Variants in WWTR1 observed in about 807,000 individuals in gnomAD.
WWTR1 encodes WW domain containing transcription regulator 1.
WWTR1 carries 13 observed loss-of-function variants against 40.1 expected under a neutral mutation model. That is an observed-to-expected ratio of 0.32 (90% CI 0.21 to 0.52). The LOEUF is 0.52. WWTR1 is among the 20% of genes least tolerant of loss of function. The pLI is 0.97. For synonymous variants in WWTR1, 230 were observed against 210.1 expected (o/e 1.09, Z -0.82); for missense variants, 436 against 523.1 (o/e 0.83, Z 1.63).
intron 2 of WWTR1, among the ~76,000 whole-genome samples, chr3:149,635,777 T>A (rs1253646591): frequency 5.3e-5 from 8 of 152,206 alleles, no homozygotes; most frequent in African/African-American, 1.9e-4. Flanking sequence ...AGAAAGTCTA[T>A]TGCTTTAGCT....
chr3:149,601,414 T>C (rs1739236706), intron 2 of WWTR1, among the ~76,000 whole-genome samples: 1 of 152,176 alleles, frequency 6.6e-6, no homozygotes, highest in South Asian at 2.1e-4. Flanking sequence ...GCCAGGCTGG[T>C]CTGGAACTCC....
chr3:149,660,283 A>G (rs4681533), upstream of WWTR1: 83,319 of 152,038 alleles, frequency 0.55, 22,897 homozygotes, highest in Admixed American at 0.62. Flanking sequence ...ACTTGAGGCC[A>G]GCCCTACTCT....
At chr3:149,723,156 C>G (rs1157276201) in intron 4 of WWTR1, among the ~76,000 whole-genome samples, 1 of 130,980 alleles carries the variant, frequency 7.6e-6, no homozygotes, top group Non-Finnish European at 1.7e-5. Context: ...AGTGTCCTTT[C>G]TTTTGGTTTG....
At chr3:149,540,717 G>A (rs1416657904) in intron 4 of WWTR1, among the ~76,000 whole-genome samples, 1 of 151,884 alleles carries the variant, frequency 6.6e-6, no homozygotes, top group Non-Finnish European at 1.5e-5. Context: ...AACCGTGAAA[G>A]TTCAAACATA....
chr3:149,720,522 C>G (rs1458963613), intron 4 of WWTR1, among the ~76,000 whole-genome samples: 1 of 152,006 alleles, frequency 6.6e-6, no homozygotes, highest in South Asian at 2.1e-4. Flanking sequence ...ATTACTATTA[C>G]CTATTATAAA....
At chr3:149,636,861 G>A (rs1711845114) in intron 2 of WWTR1, among the ~76,000 whole-genome samples, 1 of 151,326 alleles carries the variant, frequency 6.6e-6, no homozygotes, top group Admixed American at 6.6e-5. Context: ...CAGCTACTCG[G>A]GAGGCTGAGG....
chr3:149,546,768 T>G (rs1421331759), intron 3 of WWTR1, among the ~76,000 whole-genome samples: 1 of 152,114 alleles, frequency 6.6e-6, no homozygotes, highest in Non-Finnish European at 1.5e-5. Context: ...AAGCCCCAAA[T>G]TATCTGAAAA....
At chr3:149,610,348 C>T (rs181273957) in intron 2 of WWTR1, among the ~76,000 whole-genome samples, 54 of 152,194 alleles carry the variant, frequency 3.5e-4, no homozygotes, top group Non-Finnish European at 7.1e-4. Context: ...CAAAACACTC[C>T]CTTGTAACAA....
intron 2 of WWTR1, among the ~76,000 whole-genome samples, chr3:149,612,968 C>T (rs1472560404): frequency 6.6e-6 from 1 of 152,138 alleles, no homozygotes; most frequent in African/African-American, 2.4e-5. Context: ...AAATTATTTC[C>T]ATCATCGTTA....
In WWTR1 at chr3:149,517,762, T is replaced by A. The variant is rs926402751; in HGVS notation, c.*3043A>T. 1 of 152,210 alleles carries A rather than the reference T, an allele frequency of 6.6e-6. No individual in the cohort carries two copies. The highest frequency in any genetic ancestry group is 2.4e-5 in the African/African-American group (1 of 41,444). 9.4% of individuals were successfully genotyped at this position (152,210 alleles called of 1,614,324 possible). On this transcript the variant is annotated 3_prime_UTR_variant, in exon 7 of 7. Transcript: ENST00000360632. Reference sequence around the variant, plus strand: ...GGTGAAACACTGTCTAAAAATTACTTAGATTTAACAGAATTGCAATTAGGT... The same window carrying A: ...GGTGAAACACTGTCTAAAAATTACTAAGATTTAACAGAATTGCAATTAGGT...
In WWTR1 at chr3:149,657,169, C is replaced by A; in HGVS notation, c.138G>T (p.Lys46Asn). 6.2e-7 allele frequency: 1 copy of A among 1,608,682 alleles called. No homozygotes were observed. Among genetic ancestry groups the A allele is most frequent in the South Asian group, 1.1e-5 (1 of 89,880 alleles). ...CCTTAAAGAAAGACTCCGGCAGGAT[C>A]TTCTTCCGCCACGAGCTAGGCTTCG... is the stretch of plus-strand genomic sequence containing the variant. ...MNPKPSSWRK[K>N]ILPESFFKEP... The change falls in exon 2 of 7, where the codon AAG (lysine) becomes AAT (asparagine). Residue 46 changes from lysine (K) to asparagine (N), a missense_variant. By Grantham distance (94) the Lys-to-Asn change is moderately conservative. Coordinates refer to ENST00000360632, the MANE Select transcript of WWTR1 (RefSeq NM_015472.6).
chr3:149,525,866 T>C, intron 6 of WWTR1, 147 bp downstream of exon 6: 2 of 460,978 alleles, frequency 4.3e-6, no homozygotes, highest in South Asian at 1.3e-4. Flanking sequence ...CACATAACCA[T>C]GTAGCAAACC....
intron 2 of WWTR1, among the ~76,000 whole-genome samples, chr3:149,592,453 T>TTCCTA (rs1352881483): frequency 6.6e-6 from 1 of 152,172 alleles, no homozygotes; most frequent in African/African-American, 2.4e-5. Context: ...ACTACAGGCG[T>TTCCTA]TCCTATCCAA....
At chr3:149,555,465 T>C (rs1034967445) in intron 3 of WWTR1, among the ~76,000 whole-genome samples, 6 of 151,708 alleles carry the variant, frequency 4.0e-5, no homozygotes, top group African/African-American at 7.3e-5. Context: ...GTGCTTTGCA[T>C]TGGGCCAGGA....
At chr3:149,569,226 C>T (rs957456413) in intron 3 of WWTR1, among the ~76,000 whole-genome samples, 10 of 152,136 alleles carry the variant, frequency 6.6e-5, no homozygotes, top group Non-Finnish European at 1.3e-4. Flanking sequence ...CAAAATAAAT[C>T]ATTTTTATTC....
chr3:149,633,605 T>G (rs2108112160), intron 2 of WWTR1, among the ~76,000 whole-genome samples: 1 of 152,286 alleles, frequency 6.6e-6, no homozygotes, highest in Non-Finnish European at 1.5e-5. Flanking sequence ...AGTTTAAACC[T>G]AATCAGGCTT....
intron 2 of WWTR1, among the ~76,000 whole-genome samples, chr3:149,665,394 T>C (rs1476695465): frequency 6.6e-6 from 1 of 151,792 alleles, no homozygotes; most frequent in Non-Finnish European, 1.5e-5. Context: ...CCCAGTTAAT[T>C]TTTGTATTTT....
At chr3:149,688,299 G>A (rs1714716164) in intron 1 of WWTR1, among the ~76,000 whole-genome samples, 1 of 152,054 alleles carries the variant, frequency 6.6e-6, no homozygotes, top group Non-Finnish European at 1.5e-5. Flanking sequence ...GCAATAGCCA[G>A]GCAATAATTG....
chr3:149,646,354 A>C (rs985429883), intron 2 of WWTR1, among the ~76,000 whole-genome samples: 2 of 152,212 alleles, frequency 1.3e-5, no homozygotes, highest in African/African-American at 2.4e-5. Flanking sequence ...CATGTGACTC[A>C]CCACACAAGA....
Sources: allele counts gnomAD v4.1 joint callset (sites outside exome capture counted in the v4.1 genomes callset), GRCh38; gene constraint gnomAD v4.1.1; transcripts MANE v1.5; gene names NCBI Gene and HGNC (gene_info 2026-07-23, HGNC 2026-07-21).